RFX7: variants seen among roughly 807,000 people sequenced by gnomAD.
The protein encoded by RFX7 is regulatory factor X7.
Under a neutral mutation model 111.8 loss-of-function variants are expected in RFX7, and 26 were observed. The observed-to-expected ratio is 0.23, with a 90% confidence interval of 0.17 to 0.32. The LOEUF (loss-of-function observed/expected upper bound fraction) is 0.32, where lower values mean the gene tolerates loss of function less well. Ranked by LOEUF, RFX7 falls within the 10% of genes least tolerant of loss-of-function variation. The pLI is 1.00. For synonymous variants in RFX7, 624 were observed against 624.4 expected (o/e 1.00, Z 0.01); for missense variants, 1,573 against 1,772.9 (o/e 0.89, Z 2.02).
chr15:56,218,434 G>A (rs1412165273), intron 2 of RFX7, among the ~76,000 whole-genome samples: 1 of 152,030 alleles, frequency 6.6e-6, no homozygotes, highest in East Asian at 1.9e-4. Flanking sequence ...ACCCAGCCTA[G>A]AAACAATTTA....
At chr15:56,121,553 A>C (rs1410345831) in intron 5 of RFX7, among the ~76,000 whole-genome samples, 1 of 152,040 alleles carries the variant, frequency 6.6e-6, no homozygotes, top group Non-Finnish European at 1.5e-5. Context: ...TTGTACTTGG[A>C]TATTGATATC....
In RFX7 at chr15:56,146,070, G is replaced by A. The variant is rs991530783; in HGVS notation, c.196-1587C>T. On this transcript the variant is annotated intron_variant, in intron 3 of 9. Coordinates refer to ENST00000559447, the MANE Select transcript of RFX7 (RefSeq NM_022841.7). ...ACCTCCGATGTCACCCCACTTTAATGTCTTAAATATGGTTCCTGAAATTTT... is the reference window on the plus strand; with the variant it reads ...ACCTCCGATGTCACCCCACTTTAATATCTTAAATATGGTTCCTGAAATTTT... 4.6e-5 allele frequency among the ~76,000 whole-genome samples: 7 copies of A among 151,958 alleles called. 1 individual carries two copies. The East Asian group carries it at 9.6e-4, about 21-fold the overall frequency.
intron 2 of RFX7, among the ~76,000 whole-genome samples, chr15:56,223,469 G>T (rs2141218571): frequency 6.6e-6 from 1 of 152,194 alleles, no homozygotes; most frequent in South Asian, 2.1e-4. Flanking sequence ...CCTATGGTTG[G>T]CTATCTAATG....
chr15:56,132,296 G>A (rs1341793318), intron 5 of RFX7, among the ~76,000 whole-genome samples: 1 of 151,982 alleles, frequency 6.6e-6, no homozygotes, highest in Non-Finnish European at 1.5e-5. Context: ...GAGGTATAAG[G>A]AGGAAAGATG....
chr15:56,192,301 G>T, intron 2 of RFX7: 1 of 199,088 alleles, frequency 5.0e-6, no homozygotes, highest in Admixed American at 4.8e-5. Context: ...GGTGCTGGCT[G>T]GTAAGCGCTC....
chr15:56,099,364 A>T (rs2041723749), intron 8 of RFX7, among the ~76,000 whole-genome samples: 1 of 152,160 alleles, frequency 6.6e-6, no homozygotes, highest in South Asian at 2.1e-4. Flanking sequence ...ATACTCAATA[A>T]TGATGAGGAT....
intron 2 of RFX7, among the ~76,000 whole-genome samples, chr15:56,236,262 T>A (rs1442090156): frequency 5.3e-5 from 8 of 152,192 alleles, no homozygotes; most frequent in Non-Finnish European, 8.8e-5. Flanking sequence ...AAAAATCATG[T>A]TTTAAGGTAT....
intron 5 of RFX7, among the ~76,000 whole-genome samples, chr15:56,131,063 T>G (rs2042205432): frequency 6.6e-6 from 1 of 152,008 alleles, no homozygotes; most frequent in Non-Finnish European, 1.5e-5. Context: ...CCAATTCATT[T>G]TGCAAAGCTG....
chr15:56,134,538 A>T (rs1160888597), intron 5 of RFX7, among the ~76,000 whole-genome samples: 1 of 151,838 alleles, frequency 6.6e-6, no homozygotes, highest in East Asian at 1.9e-4. Flanking sequence ...ATGCTATTAT[A>T]AAAACTCTCC....
chr15:56,139,946 A>T (rs1567023674), intron 5 of RFX7, among the ~76,000 whole-genome samples: 3 of 152,112 alleles, frequency 2.0e-5, no homozygotes. Flanking sequence ...GGGGCCAGGG[A>T]CCCACTTGAG....
intron 2 of RFX7, among the ~76,000 whole-genome samples, chr15:56,237,556 A>T (rs1330100951): frequency 5.9e-5 from 9 of 152,234 alleles, no homozygotes; most frequent in African/African-American, 2.2e-4. Flanking sequence ...ATAACAAGAC[A>T]CTTCTCTCTT....
At chr15:56,238,464 TA>T (rs1434285944) in intron 2 of RFX7, among the ~76,000 whole-genome samples, 1 of 152,152 alleles carries the variant, frequency 6.6e-6, no homozygotes, top group African/African-American at 2.4e-5. Context: ...CAGGATTGAA[TA>T]AAGATAAGGA....
chr15:56,187,512 G>T (rs1048700776), intron 2 of RFX7, among the ~76,000 whole-genome samples: 8 of 152,060 alleles, frequency 5.3e-5, no homozygotes, highest in African/African-American at 1.9e-4. Flanking sequence ...TTGCCTGAGG[G>T]TACTTATCAG....
At chr15:56,195,757 A>G (rs1411931097) in intron 2 of RFX7, among the ~76,000 whole-genome samples, 1 of 152,178 alleles carries the variant, frequency 6.6e-6, no homozygotes, top group Admixed American at 6.5e-5. Flanking sequence ...GACAGCTAAA[A>G]TTGCCCCACA....
At chr15:56,193,724 G>A (rs1466170128) in intron 2 of RFX7, among the ~76,000 whole-genome samples, 1 of 152,100 alleles carries the variant, frequency 6.6e-6, no homozygotes, top group Non-Finnish European at 1.5e-5. Flanking sequence ...GTAGGGAAGA[G>A]GGGGAAAACA....
chr15:56,236,684 T>C (rs1408442327), intron 2 of RFX7, among the ~76,000 whole-genome samples: 1 of 152,240 alleles, frequency 6.6e-6, no homozygotes, highest in Non-Finnish European at 1.5e-5. Context: ...CATACTTTTC[T>C]TATTTATATA....
intron 5 of RFX7, among the ~76,000 whole-genome samples, chr15:56,110,480 C>T (rs1261592044): frequency 1.6e-4 from 20 of 123,738 alleles, no homozygotes; most frequent in Admixed American, 1.2e-3. Flanking sequence ...TCTGCCCTGC[C>T]GCCCCTACTG....
At chr15:56,157,420 T>C (rs760511696) in intron 3 of RFX7, among the ~76,000 whole-genome samples, 2 of 152,224 alleles carry the variant, frequency 1.3e-5, no homozygotes, top group Non-Finnish European at 2.9e-5. Flanking sequence ...CTAAAAATTG[T>C]CCCAGTATCA....
chr15:56,166,272 T>C (rs2042781146), intron 3 of RFX7, among the ~76,000 whole-genome samples: 1 of 152,242 alleles, frequency 6.6e-6, no homozygotes, highest in African/African-American at 2.4e-5. Flanking sequence ...TACTTCTCTC[T>C]TGTTTTCAGC....
Sources: gnomAD v4.1 joint callset for allele counts (sites outside exome capture counted in the v4.1 genomes callset) on GRCh38, gnomAD v4.1.1 for gene constraint, MANE v1.5 for transcripts, NCBI Gene and HGNC (gene_info 2026-07-23, HGNC 2026-07-21) for gene names.